The following PTPN13 variants were observed in gnomAD, a reference collection of about 807,000 sequenced individuals.
PTPN13 encodes tyrosine-protein phosphatase non-receptor type 13.
In PTPN13, 191 loss-of-function variants were observed where a neutral mutation model predicts 284.0. That is an observed-to-expected ratio of 0.67 (90% CI 0.60 to 0.76). The LOEUF is 0.76. PTPN13 is among the 30% of genes least tolerant of loss of function. The probability of loss-of-function intolerance (pLI) is 0.00; values close to 1 mark genes in which losing one functional copy is unlikely to be tolerated. For missense variants in PTPN13, 2,797 were observed against 2,939.9 expected (o/e 0.95, Z 1.12); for synonymous variants, 986 against 1,022.3 (o/e 0.96, Z 0.68).
chr4:86,651,220 T>A (rs1461688467), intron 2 of PTPN13, among the ~76,000 whole-genome samples: 2 of 152,248 alleles, frequency 1.3e-5, no homozygotes, highest in Non-Finnish European at 2.9e-5. Flanking sequence ...TACCATTGAT[T>A]GATTTGCCCA....
chr4:86,634,364 T>C (rs757151651), intron 1 of PTPN13, among the ~76,000 whole-genome samples: 3 of 152,176 alleles, frequency 2.0e-5, no homozygotes, highest in Non-Finnish European at 2.9e-5. Context: ...TATAGAAGGA[T>C]TTTAACTAGT....
intron 35 of PTPN13, among the ~76,000 whole-genome samples, chr4:86,779,661 G>A (rs28470706): frequency 0.015 from 2,309 of 152,206 alleles, 72 homozygotes; most frequent in African/African-American, 0.053. Flanking sequence ...TTTGGGGCTA[G>A]TCAGCAAGAA....
intron 1 of PTPN13, among the ~76,000 whole-genome samples, chr4:86,626,103 A>T (rs376575224): frequency 5.9e-5 from 9 of 152,236 alleles, no homozygotes; most frequent in African/African-American, 1.9e-4. Flanking sequence ...ACAAATGTGA[A>T]ATTAGAGATT....
intron 23 of PTPN13, among the ~76,000 whole-genome samples, chr4:86,762,295 A>T (rs1213783650): frequency 6.6e-6 from 1 of 152,178 alleles, no homozygotes; most frequent in Non-Finnish European, 1.5e-5. Flanking sequence ...GTGGCTTTTG[A>T]TAAGAACTAT....
chr4:86,786,122 C>G (rs985147692), intron 40 of PTPN13, among the ~76,000 whole-genome samples, 186 bp downstream of exon 40: 2 of 151,388 alleles, frequency 1.3e-5, no homozygotes, highest in East Asian at 3.9e-4. Flanking sequence ...AATCATTACA[C>G]AAATTTTCTC....
chr4:86,625,981 A>G (rs994824153), intron 1 of PTPN13, among the ~76,000 whole-genome samples: 2 of 152,208 alleles, frequency 1.3e-5, no homozygotes, highest in African/African-American at 2.4e-5. Context: ...AATGATCTTA[A>G]CATAAGTCTG....
chr4:86,611,547 AAT>A (rs1719881326), intron 1 of PTPN13, among the ~76,000 whole-genome samples: 1 of 152,248 alleles, frequency 6.6e-6, no homozygotes, highest in Non-Finnish European at 1.5e-5. Flanking sequence ...ATAGGGACAA[AAT>A]ATGTGAAACA....
chr4:86,813,342 C>A (rs930021698), intron 47 of PTPN13, among the ~76,000 whole-genome samples: 14 of 152,244 alleles, frequency 9.2e-5, no homozygotes, highest in African/African-American at 3.4e-4. Context: ...ATCTCTGCAC[C>A]ATCAACTTAA....
chr4:86,618,199 C>T (rs1720800501), intron 1 of PTPN13, among the ~76,000 whole-genome samples: 4 of 152,162 alleles, frequency 2.6e-5, no homozygotes, highest in South Asian at 2.1e-4. Flanking sequence ...TTCCCCATTT[C>T]TTGTTTTTGT....
chr4:86,703,586 G>GC (rs1731397910), intron 7 of PTPN13, among the ~76,000 whole-genome samples: 1 of 152,084 alleles, frequency 6.6e-6, no homozygotes, highest in South Asian at 2.1e-4. Context: ...GAAATTATAG[G>GC]CCAGGCATGG....
At chr4:86,771,994 A>G (rs534679969) in intron 31 of PTPN13, among the ~76,000 whole-genome samples, 1 of 152,344 alleles carries the variant, frequency 6.6e-6, no homozygotes, top group East Asian at 1.9e-4. Context: ...AATACATTGC[A>G]TAATTATTCA....
chr4:86,661,131 C>T (rs1407551080), intron 2 of PTPN13: 2 of 453,334 alleles, frequency 4.4e-6, no homozygotes, highest in Middle Eastern at 3.3e-4. Context: ...AAGTCTCCCT[C>T]ATGTTCCCTC....
chr4:86,697,721 A>G (rs1014295648), intron 6 of PTPN13, among the ~76,000 whole-genome samples: 4 of 152,306 alleles, frequency 2.6e-5, no homozygotes, highest in African/African-American at 9.6e-5. Context: ...GTGAGGATAC[A>G]TGGGGACTTG....
At chr4:86,726,405 T>C (rs1392067048) in intron 10 of PTPN13, among the ~76,000 whole-genome samples, 1 of 149,502 alleles carries the variant, frequency 6.7e-6, no homozygotes, top group Non-Finnish European at 1.5e-5. Context: ...TAAATTACTT[T>C]GGGCAGTATG....
chr4:86,658,304 A>G (rs956709804), intron 2 of PTPN13, among the ~76,000 whole-genome samples: 1 of 151,856 alleles, frequency 6.6e-6, no homozygotes, highest in African/African-American at 2.4e-5. Flanking sequence ...TGTCTCCTCA[A>G]TGCACTGCCT....
chr4:86,771,421 A>G lies in PTPN13; in HGVS notation c.5054A>G (p.Asn1685Ser). ...WSSALHQTLS[N>S]MVSQAQSHHE... ...TCAGCTTTGCATCAGACTCTAAGCA[A>G]CATGGTATCACAGGCACAGAGTCAT... The change falls in exon 31 of 48, where the codon AAC (asparagine) becomes AGC (serine). Residue 1685 changes from asparagine to serine, a missense_variant. Coordinates refer to ENST00000411767, the MANE Select transcript of PTPN13 (RefSeq NM_080683.3). 1 of 1,565,834 alleles carries G rather than the reference A, an allele frequency of 6.4e-7. No homozygotes were observed. The highest frequency in any genetic ancestry group is 8.7e-7 in the Non-Finnish European group (1 of 1,153,872).
In PTPN13 at chr4:86,781,280, A is replaced by C. The variant is rs542000130; in HGVS notation, c.5962+808A>C. 5.3e-5 allele frequency among the ~76,000 whole-genome samples: 8 copies of C among 150,224 alleles called. 1 individual carries two copies. In the South Asian group the frequency reaches 1.7e-3, roughly 31 times the overall value. On this transcript the variant is annotated intron_variant, in intron 36 of 47. Transcript: ENST00000411767. ...TTTGTTTCTTTCTTTGTTTTGTTAT[A>C]AAGTTTTCCAAACTCTACCGTATTT...
At chr4:86,793,657 T>C (rs1742954829) in intron 40 of PTPN13, among the ~76,000 whole-genome samples, 1 of 152,206 alleles carries the variant, frequency 6.6e-6, no homozygotes, top group Non-Finnish European at 1.5e-5. Context: ...AAACTGTCTC[T>C]CAGACCACAG....
intron 1 of PTPN13, among the ~76,000 whole-genome samples, chr4:86,597,662 A>G (rs1197023201): frequency 1.3e-5 from 2 of 152,202 alleles, no homozygotes; most frequent in Non-Finnish European, 2.9e-5. Flanking sequence ...AGTGTCAGGC[A>G]CTGTGAATAA....
Sources: allele counts gnomAD v4.1 joint callset (sites outside exome capture counted in the v4.1 genomes callset), GRCh38; gene constraint gnomAD v4.1.1; transcripts MANE v1.5; gene names NCBI Gene and HGNC (gene_info 2026-07-23, HGNC 2026-07-21).